The following RANBP2 variants were observed in gnomAD, a reference collection of about 807,000 sequenced individuals.
The protein encoded by RANBP2 is E3 SUMO-protein ligase RanBP2.
Under a neutral mutation model 303.6 loss-of-function variants are expected in RANBP2, and 57 were observed. That is an observed-to-expected ratio of 0.19 (90% CI 0.15 to 0.23). The LOEUF (loss-of-function observed/expected upper bound fraction) is 0.23. RANBP2 is among the 10% of genes least tolerant of loss of function. The pLI, the probability that RANBP2 is intolerant of heterozygous loss-of-function variation, is 1.00. For synonymous variants in RANBP2, 1,167 were observed against 1,301.5 expected (o/e 0.90, Z 2.23); for missense variants, 3,138 against 3,780.8 (o/e 0.83, Z 4.46).
At chr2:108,925,965 T>C in the RANBP2 span, among the ~76,000 whole-genome samples, 1 of 152,166 alleles carries the variant, frequency 6.6e-6, no homozygotes, top group South Asian at 2.1e-4. Context: ...GTTATGAAAC[T>C]GTCCTTCCTC....
the RANBP2 span, among the ~76,000 whole-genome samples, chr2:108,889,881 G>A: frequency 2.3e-3 from 355 of 152,140 alleles, 1 homozygote; most frequent in Middle Eastern, 0.01. Flanking sequence ...GTTGTGGTTG[G>A]TGGGTTTCTA....
chr2:108,965,363 C>T, the RANBP2 span, among the ~76,000 whole-genome samples: 1 of 151,836 alleles, frequency 6.6e-6, no homozygotes, highest in Admixed American at 6.6e-5. Context: ...TGCCTGTAGT[C>T]CCAGCTACTC....
At chr2:109,373,738 G>A in the RANBP2 span, among the ~76,000 whole-genome samples, 2 of 152,150 alleles carry the variant, frequency 1.3e-5, no homozygotes, top group Non-Finnish European at 2.9e-5. Context: ...GCTGTAAAAT[G>A]GTGTCCAGTT....
At chr2:109,076,332 A>G in the RANBP2 span, among the ~76,000 whole-genome samples, 1 of 150,872 alleles carries the variant, frequency 6.6e-6, no homozygotes, top group Non-Finnish European at 1.5e-5. Context: ...AACTAACATC[A>G]TAATAATTGA....
the RANBP2 span, among the ~76,000 whole-genome samples, chr2:109,719,654 C>T: frequency 1.3e-5 from 2 of 152,066 alleles, no homozygotes; most frequent in African/African-American, 4.8e-5. Flanking sequence ...ATCCGCTAGC[C>T]TCGGCCTCCC....
chr2:109,689,831 G>A, the RANBP2 span, among the ~76,000 whole-genome samples: 450 of 152,136 alleles, frequency 3.0e-3, no homozygotes, highest in African/African-American at 0.01. Context: ...TTATTCCATT[G>A]CCAAGTGTCT....
the RANBP2 span, among the ~76,000 whole-genome samples, chr2:109,456,277 G>A: frequency 1.3e-5 from 2 of 152,250 alleles, no homozygotes; most frequent in African/African-American, 4.8e-5. Flanking sequence ...GAGCACCGGC[G>A]ACTCCAGGTC....
At chr2:108,759,475 A>G (rs1676567691) in intron 18 of RANBP2, among the ~76,000 whole-genome samples, 1 of 152,128 alleles carries the variant, frequency 6.6e-6, no homozygotes, top group South Asian at 2.1e-4. Flanking sequence ...CTGAAATGGT[A>G]GTAGTAGTAG....
the RANBP2 span, chr2:109,502,752 C>T: frequency 2.0e-5 from 3 of 152,358 alleles, no homozygotes; most frequent in African/African-American, 7.2e-5. Flanking sequence ...GCAGGTCAAC[C>T]CCAGCCGGGA....
At chr2:108,720,837 G>T (rs2149053908) in intron 1 of RANBP2, among the ~76,000 whole-genome samples, 1 of 152,340 alleles carries the variant, frequency 6.6e-6, no homozygotes, top group South Asian at 2.1e-4. Context: ...CCTGAGGTCA[G>T]GAGTTCGTGA....
chr2:109,453,888 G>A, the RANBP2 span, among the ~76,000 whole-genome samples: 2 of 152,342 alleles, frequency 1.3e-5, no homozygotes, highest in East Asian at 3.9e-4. Context: ...GTCAGCCTGA[G>A]CAGAGGCCAG....
chr2:109,685,188 T>C, the RANBP2 span, among the ~76,000 whole-genome samples: 3 of 152,358 alleles, frequency 2.0e-5, no homozygotes, highest in South Asian at 2.1e-4. Flanking sequence ...TCTTTTTTAA[T>C]AGCTGCATAC....
the RANBP2 span, among the ~76,000 whole-genome samples, chr2:109,211,129 C>A: frequency 6.6e-6 from 1 of 152,240 alleles, no homozygotes; most frequent in African/African-American, 2.4e-5. Flanking sequence ...CTGGAGAAAA[C>A]GTTACTTGCA....
chr2:109,021,336 A>G, the RANBP2 span, among the ~76,000 whole-genome samples: 3 of 152,056 alleles, frequency 2.0e-5, no homozygotes, highest in Non-Finnish European at 4.4e-5. Flanking sequence ...ATCCTGGCTG[A>G]CACGGTGAAA....
At chr2:109,451,225 T>C in the RANBP2 span, among the ~76,000 whole-genome samples, 1 of 152,232 alleles carries the variant, frequency 6.6e-6, no homozygotes, top group Non-Finnish European at 1.5e-5. Flanking sequence ...AGCTGCTCTG[T>C]GTTTTGTGTG....
chr2:108,772,597 A>T lies in RANBP2; in HGVS notation c.8113+16A>T. ...AATACAGCAGGTATGTTAAGTGTAAAGGACATTTATAATGCTTTTAACAAG... is the reference window on the plus strand; with the variant it reads ...AATACAGCAGGTATGTTAAGTGTAATGGACATTTATAATGCTTTTAACAAG... On this transcript the variant is annotated intron_variant, in intron 22 of 28. Coordinates refer to ENST00000283195, the MANE Select transcript of RANBP2 (RefSeq NM_006267.5). 6.3e-7 allele frequency: 1 copy of T among 1,599,246 alleles called. No individual in the cohort carries two copies. Among genetic ancestry groups the T allele is most frequent in the Non-Finnish European group, 8.6e-7 (1 of 1,166,668 alleles).
At chr2:108,944,362 C>G in the RANBP2 span, among the ~76,000 whole-genome samples, 3 of 152,234 alleles carry the variant, frequency 2.0e-5, no homozygotes, top group African/African-American at 7.2e-5. Flanking sequence ...AATCCACCCG[C>G]CTTGGCCTCC....
At chr2:109,435,405 G>A in the RANBP2 span, among the ~76,000 whole-genome samples, 3 of 152,220 alleles carry the variant, frequency 2.0e-5, no homozygotes, top group Admixed American at 6.5e-5. Context: ...GTGATTGGAG[G>A]GTAGGCGAAG....
At chr2:109,448,457 G>A in the RANBP2 span, among the ~76,000 whole-genome samples, 2 of 152,160 alleles carry the variant, frequency 1.3e-5, no homozygotes, top group East Asian at 3.9e-4. Flanking sequence ...CCTCCTCAAC[G>A]CTTGCATTAC....
Sources: allele counts gnomAD v4.1 joint callset (sites outside exome capture counted in the v4.1 genomes callset), GRCh38; gene constraint gnomAD v4.1.1; transcripts MANE v1.5; gene names NCBI Gene and HGNC (gene_info 2026-07-23, HGNC 2026-07-21).